Variants in TENM3 observed in about 807,000 individuals in gnomAD.
The protein encoded by TENM3 is teneurin-3.
In TENM3, 63 loss-of-function variants were observed where a neutral mutation model predicts 255.1. That is an observed-to-expected ratio of 0.25 (90% CI 0.20 to 0.30). TENM3 has a LOEUF of 0.30. TENM3 is among the 10% of genes least tolerant of loss of function. The pLI is 1.00. For missense variants in TENM3, 2,929 were observed against 3,461.1 expected (o/e 0.85, Z 3.86); for synonymous variants, 1,306 against 1,322.3 (o/e 0.99, Z 0.27).
the TENM3 span, among the ~76,000 whole-genome samples, chr4:182,092,327 T>TATAAATAA: frequency 1.3e-3 from 204 of 151,176 alleles, 1 homozygote; most frequent in East Asian, 0.02. Flanking sequence ...AAATAGCCTG[T>TATAAATAA]ATAAATAAAT....
chr4:181,758,071 A>G, the TENM3 span, among the ~76,000 whole-genome samples: 2 of 152,198 alleles, frequency 1.3e-5, no homozygotes, highest in Non-Finnish European at 2.9e-5. Flanking sequence ...TGTGGGGAAC[A>G]ATGACAAACT....
chr4:182,781,226 G>A (rs200216434), intron 24 of TENM3, among the ~76,000 whole-genome samples: 14,614 of 149,536 alleles, frequency 0.098, 911 homozygotes, highest in Admixed American at 0.16. Context: ...TTTGAGATAC[G>A]TCCCATCAAT....
the TENM3 span, among the ~76,000 whole-genome samples, chr4:181,972,436 C>CAAA: frequency 0.012 from 1,419 of 114,938 alleles, 28 homozygotes; most frequent in African/African-American, 0.033. Flanking sequence ...CCTCCTTGTC[C>CAAA]AAAAAAAAAA....
At chr4:182,538,084 A>G (rs1740513626) in intron 3 of TENM3, among the ~76,000 whole-genome samples, 1 of 152,206 alleles carries the variant, frequency 6.6e-6, no homozygotes, top group African/African-American at 2.4e-5. Context: ...TATATACATT[A>G]ATTAGTCTAA....
At chr4:181,758,755 C>T in the TENM3 span, among the ~76,000 whole-genome samples, 1 of 152,180 alleles carries the variant, frequency 6.6e-6, no homozygotes, top group Admixed American at 6.5e-5. Flanking sequence ...AAAGCCAGCA[C>T]CTACATCGGG....
the TENM3 span, among the ~76,000 whole-genome samples, chr4:181,560,448 A>T: frequency 6.6e-6 from 1 of 152,282 alleles, no homozygotes; most frequent in African/African-American, 2.4e-5. Context: ...AAATTATATA[A>T]ACACATGAGG....
chr4:181,623,480 C>G, the TENM3 span, among the ~76,000 whole-genome samples: 1 of 152,172 alleles, frequency 6.6e-6, no homozygotes, highest in Non-Finnish European at 1.5e-5. Flanking sequence ...CCTGTGTGAA[C>G]AATCAAGTAT....
At chr4:182,703,189 A>T (rs1758024303) in intron 12 of TENM3, among the ~76,000 whole-genome samples, 1 of 152,256 alleles carries the variant, frequency 6.6e-6, no homozygotes, top group South Asian at 2.1e-4. Context: ...AAAAGATTGA[A>T]TTGTCATAGA....
the TENM3 span, among the ~76,000 whole-genome samples, chr4:181,705,622 A>G: frequency 6.6e-6 from 1 of 152,354 alleles, no homozygotes; most frequent in African/African-American, 2.4e-5. Context: ...ATTTCTTTAG[A>G]AAAGAGAGCT....
At chr4:182,445,559 A>G (rs1027957647) in intron 3 of TENM3, among the ~76,000 whole-genome samples, 1 of 152,104 alleles carries the variant, frequency 6.6e-6, no homozygotes, top group Non-Finnish European at 1.5e-5. Context: ...CATTCTTAAT[A>G]TGAAGCTAAG....
At chr4:182,022,964 A>T in the TENM3 span, among the ~76,000 whole-genome samples, 6 of 152,228 alleles carry the variant, frequency 3.9e-5, no homozygotes, top group Non-Finnish European at 2.9e-5. Context: ...TATTTTTTTC[A>T]AATATAAAAG....
chr4:181,899,044 T>C, the TENM3 span, among the ~76,000 whole-genome samples: 7 of 152,080 alleles, frequency 4.6e-5, no homozygotes, highest in Non-Finnish European at 7.4e-5. Flanking sequence ...GTAATAGAGA[T>C]TTTTGTTTTC....
chr4:182,035,672 C>A, the TENM3 span, among the ~76,000 whole-genome samples: 1 of 152,002 alleles, frequency 6.6e-6, no homozygotes, highest in Non-Finnish European at 1.5e-5. Context: ...ATCAGCAGTT[C>A]TCTTGCTGCT....
chr4:181,553,493 G>A, the TENM3 span, among the ~76,000 whole-genome samples: 1 of 151,946 alleles, frequency 6.6e-6, no homozygotes, highest in Admixed American at 6.6e-5. Flanking sequence ...CCAGGCTGGA[G>A]TGCAGGGGCG....
the TENM3 span, among the ~76,000 whole-genome samples, chr4:181,496,877 T>C: frequency 6.6e-6 from 1 of 152,188 alleles, no homozygotes; most frequent in African/African-American, 2.4e-5. Flanking sequence ...CAAAGGTTGG[T>C]CTAGCAACCT....
At chr4:181,868,561 A>T in the TENM3 span, among the ~76,000 whole-genome samples, 335 of 152,288 alleles carry the variant, frequency 2.2e-3, 1 homozygote, top group African/African-American at 7.6e-3. Context: ...TGTTCTTCTC[A>T]TATTTGTGCT....
In TENM3 at chr4:182,161,639, GTATA is replaced by G. The variant is rs147887811; in HGVS notation, c.-76+16896_-76+16899del. On this transcript the variant is annotated intron_variant, in intron 1 of 2. Coordinates refer to the TENM3 transcript ENST00000512480. The stretch of plus-strand genomic sequence containing the variant: ...TATATATATATACAAATATATATAT[GTATA>G]TATATATATACACACACACAAATAT... Among the ~76,000 whole-genome samples the G allele has an allele frequency of 2.3e-4, 20 of 87,890 alleles. 2 individuals carry two copies. The highest frequency in any genetic ancestry group is 6.3e-5 in the Non-Finnish European group (3 of 47,806). 57.7% of individuals were successfully genotyped at this position (87,890 alleles called of 152,430 possible).
At chr4:182,008,382 G>A in the TENM3 span, among the ~76,000 whole-genome samples, 639 of 152,032 alleles carry the variant, frequency 4.2e-3, 4 homozygotes, top group African/African-American at 0.014. Context: ...ATCAATCGTA[G>A]GTTCGATCTT....
At chr4:181,729,894 G>T in the TENM3 span, among the ~76,000 whole-genome samples, 1 of 152,200 alleles carries the variant, frequency 6.6e-6, no homozygotes, top group Non-Finnish European at 1.5e-5. Flanking sequence ...CACGATGTCT[G>T]AGAGAAGCTG....
Sources: allele counts gnomAD v4.1 joint callset (sites outside exome capture counted in the v4.1 genomes callset), GRCh38; gene constraint gnomAD v4.1.1; transcripts MANE v1.5; gene names NCBI Gene and HGNC (gene_info 2026-07-23, HGNC 2026-07-21).